Variants in NRG3 observed in about 807,000 individuals in gnomAD.
NRG3 encodes pro-neuregulin-3, membrane-bound isoform.
A neutral mutation model predicts 66.9 loss-of-function variants in NRG3; 31 were observed. The observed-to-expected ratio is 0.46, with a 90% CI of 0.35 to 0.63. The LOEUF is 0.63. Among genes scored for constraint, NRG3 ranks in the 20% least tolerant of loss-of-function variants. The pLI, the probability that NRG3 is intolerant of heterozygous loss-of-function variation, is 0.00. For missense variants in NRG3, 910 were observed against 878.9 expected, an observed-to-expected ratio of 1.04 and a Z score of -0.45; for synonymous variants, 393 against 359.4, an observed-to-expected ratio of 1.09 and a Z score of -1.06.
chr10:82,383,064 A>C (rs1443388368), intron 2 of NRG3, among the ~76,000 whole-genome samples: 1 of 151,938 alleles, frequency 6.6e-6, no homozygotes, highest in Non-Finnish European at 1.5e-5. Context: ...AAAGGCCTTC[A>C]TTTATTCATT....
At chr10:82,899,035 C>G (rs367879848) in intron 4 of NRG3, among the ~76,000 whole-genome samples, 69 of 152,126 alleles carry the variant, frequency 4.5e-4, no homozygotes, top group Non-Finnish European at 7.5e-4. Flanking sequence ...ATTGGTTACA[C>G]GCAGTGAATT....
chr10:82,838,027 G>A (rs1388326067), intron 3 of NRG3, among the ~76,000 whole-genome samples: 1 of 152,148 alleles, frequency 6.6e-6, no homozygotes, highest in Non-Finnish European at 1.5e-5. Context: ...CAGGAGTGAT[G>A]CTTAATTTGA....
At chr10:82,848,960 T>G (rs2063436153) in intron 3 of NRG3, among the ~76,000 whole-genome samples, 1 of 152,308 alleles carries the variant, frequency 6.6e-6, no homozygotes, top group Middle Eastern at 3.4e-3. Context: ...AACCTCTTTT[T>G]CTTTATAAAT....
At chr10:82,579,951 C>T (rs1207383670) in intron 2 of NRG3, among the ~76,000 whole-genome samples, 2 of 151,902 alleles carry the variant, frequency 1.3e-5, no homozygotes, top group Admixed American at 6.6e-5. Context: ...TCTGCAGTAT[C>T]TGTGAGGGAT....
At chr10:82,422,266 G>C (rs566203696) in intron 2 of NRG3, among the ~76,000 whole-genome samples, 2 of 152,140 alleles carry the variant, frequency 1.3e-5, no homozygotes, top group South Asian at 2.1e-4. Context: ...AGAAAATGTA[G>C]AGAAAACAGA....
At chr10:81,918,863 A>G (rs1306582694) in intron 1 of NRG3, among the ~76,000 whole-genome samples, 2 of 151,916 alleles carry the variant, frequency 1.3e-5, no homozygotes, top group Non-Finnish European at 2.9e-5. Context: ...CATTGAATAG[A>G]ATCATTGCAA....
In NRG3 at chr10:82,985,632, T is replaced by C; in HGVS notation, c.*27T>C. 1.3e-6 allele frequency: 2 copies of C among 1,586,718 alleles called. No homozygotes were observed. The highest frequency in any genetic ancestry group is 1.7e-6 in the Non-Finnish European group (2 of 1,171,752). ...TTGAGATGTAGGAATCTGTGCATTC[T>C]ATGCTTTGCTCAACAGGAAAGAGAG... On this transcript the variant is annotated 3_prime_UTR_variant, in exon 9 of 9. Transcript: ENST00000372141.
intron 4 of NRG3, among the ~76,000 whole-genome samples, chr10:82,894,861 G>A (rs779249775): frequency 2.6e-5 from 4 of 152,080 alleles, no homozygotes; most frequent in Non-Finnish European, 5.9e-5. Flanking sequence ...AGCCCTGCAT[G>A]CATTAGGTGT....
chr10:82,191,011 G>A (rs1010708795), intron 1 of NRG3, among the ~76,000 whole-genome samples: 1 of 152,062 alleles, frequency 6.6e-6, no homozygotes, highest in Non-Finnish European at 1.5e-5. Context: ...TCTCCCTGAC[G>A]TGGCACTATT....
chr10:82,658,106 CAT>C (rs2052020641), intron 2 of NRG3, among the ~76,000 whole-genome samples: 1 of 151,990 alleles, frequency 6.6e-6, no homozygotes, highest in Non-Finnish European at 1.5e-5. Context: ...AAAATAAAAA[CAT>C]AAACCAATAT....
At chr10:82,944,393 A>G (rs1461876057) in intron 4 of NRG3, among the ~76,000 whole-genome samples, 1 of 152,238 alleles carries the variant, frequency 6.6e-6, no homozygotes, top group East Asian at 1.9e-4. Flanking sequence ...ACAGATTATT[A>G]TACGCAAGTC....
chr10:82,542,985 G>A (rs919552048), intron 2 of NRG3, among the ~76,000 whole-genome samples: 2 of 151,490 alleles, frequency 1.3e-5, no homozygotes, highest in African/African-American at 2.4e-5. Flanking sequence ...TCCACCTCCC[G>A]GGTTCAAGCA....
chr10:82,395,533 A>G (rs1032580392), intron 2 of NRG3, among the ~76,000 whole-genome samples: 1 of 152,204 alleles, frequency 6.6e-6, no homozygotes, highest in Non-Finnish European at 1.5e-5. Flanking sequence ...ATATGGACTT[A>G]TAGTTTATCT....
chr10:82,824,563 G>A (rs1410057339), intron 3 of NRG3, among the ~76,000 whole-genome samples: 1 of 152,100 alleles, frequency 6.6e-6, no homozygotes, highest in Non-Finnish European at 1.5e-5. Context: ...TCTAGTTATA[G>A]TAGTGTGTGT....
intron 3 of NRG3, among the ~76,000 whole-genome samples, chr10:82,739,706 G>C (rs373255289): frequency 6.6e-5 from 10 of 152,222 alleles, no homozygotes; most frequent in African/African-American, 2.4e-4. Flanking sequence ...TTATCTTGAC[G>C]AAGCAATTCA....
intron 2 of NRG3, among the ~76,000 whole-genome samples, chr10:82,560,163 A>AAT (rs2044941904): frequency 6.6e-6 from 1 of 151,746 alleles, no homozygotes; most frequent in African/African-American, 2.4e-5. Context: ...AAAATGTGTT[A>AAT]ATATATCATA....
chr10:82,784,797 C>T (rs1254039826), intron 3 of NRG3, among the ~76,000 whole-genome samples: 128 of 152,024 alleles, frequency 8.4e-4, no homozygotes, highest in African/African-American at 2.6e-3. Flanking sequence ...GTCAGTGTGG[C>T]GATTCCTCAG....
Position 82,054,192 on chromosome 10 carries a change from G to A in NRG3, c.823+178029G>A, listed in dbSNP as rs557204473. On this transcript the variant is annotated intron_variant, in intron 1 of 8. Transcript: ENST00000372141. ...ATGTTTTAAAAGGATTACTCTAGTT[G>A]TTGTTCTGAAAATAGACTGTGGTGC... is the stretch of plus-strand genomic sequence containing the variant. 6.6e-5 allele frequency among the ~76,000 whole-genome samples: 10 copies of A among 151,610 alleles called. No homozygotes were observed. The South Asian group carries it at 2.1e-3, about 31-fold the overall frequency.
At position 82,710,960 on chromosome 10, in the gene NRG3, A is replaced by T. The variant is rs573388210; in HGVS notation, c.954-27617A>T. ...TATTGAGAAGTCAAATACATTATTT[A>T]CTTATGTTGCTATGTTTCACAGGCT... On this transcript the variant is annotated intron_variant, in intron 2 of 8. Transcript: ENST00000372141. Among the ~76,000 whole-genome samples the T allele has an allele frequency of 2.2e-4, 34 of 152,250 alleles. No individual in the cohort carries two copies. The South Asian group carries it at 7.0e-3, about 32-fold the overall frequency.
Sources: gnomAD v4.1 joint callset for allele counts (sites outside exome capture counted in the v4.1 genomes callset) on GRCh38, gnomAD v4.1.1 for gene constraint, MANE v1.5 for transcripts, NCBI Gene and HGNC (gene_info 2026-07-23, HGNC 2026-07-21) for gene names.